Variants in SYNPR observed in about 807,000 individuals in gnomAD.
SYNPR encodes synaptoporin.
In SYNPR, 23 loss-of-function variants were observed where a neutral mutation model predicts 32.9. The observed-to-expected ratio is 0.70, with a 90% CI of 0.50 to 0.99. SYNPR has a LOEUF of 0.99. Among genes scored for constraint, SYNPR ranks in the 50% least tolerant of loss-of-function variants. The pLI is 0.00. For synonymous variants in SYNPR, 146 were observed against 135.9 expected (o/e 1.07, Z -0.52); for missense variants, 318 against 349.3 (o/e 0.91, Z 0.71).
chr3:63,537,170 C>T (rs761898140), intron 3 of SYNPR, among the ~76,000 whole-genome samples: 3 of 151,982 alleles, frequency 2.0e-5, no homozygotes, highest in Non-Finnish European at 2.9e-5. Flanking sequence ...TAGGGTCAGT[C>T]GTCCTTTCTC....
chr3:63,376,656 ATCTGAGAAGATTCT>A lies in SYNPR; in HGVS notation c.84+97925_84+97938del, dbSNP rs991026698. On this transcript the variant is annotated intron_variant, in intron 2 of 5. Transcript: ENST00000478300. ...CTTTCACAGAATGATTCTGTGAAGAATCTGAGAAGATTCTTCTGAGAAGAAGGCTCTTTCTTCTC... is the reference window on the plus strand; with the variant it reads ...CTTTCACAGAATGATTCTGTGAAGAATCTGAGAAGAAGGCTCTTTCTTCTC... Among the ~76,000 whole-genome samples, 23 of 152,258 alleles carry A rather than the reference ATCTGAGAAGATTCT, an allele frequency of 1.5e-4. No homozygotes were observed. The East Asian group carries it at 4.2e-3, about 28-fold the overall frequency.
chr3:63,451,429 G>A (rs2107175881), intron 2 of SYNPR, among the ~76,000 whole-genome samples: 1 of 152,258 alleles, frequency 6.6e-6, no homozygotes, highest in Admixed American at 6.5e-5. Context: ...CAGGAAGAGA[G>A]AATCATCACT....
intron 1 of SYNPR, among the ~76,000 whole-genome samples, chr3:63,242,460 G>GA (rs781465472): frequency 1.3e-5 from 2 of 152,214 alleles, no homozygotes; most frequent in East Asian, 1.9e-4. Context: ...GTTGAGGCTA[G>GA]AAAAAATTAA....
At chr3:63,476,864 A>G (rs1231512274) in intron 2 of SYNPR, among the ~76,000 whole-genome samples, 1 of 152,184 alleles carries the variant, frequency 6.6e-6, no homozygotes, top group Non-Finnish European at 1.5e-5. Context: ...ATTAAGCCCC[A>G]TGGTGGGTGG....
At chr3:63,267,046 T>C (rs1038330745) in intron 2 of SYNPR, among the ~76,000 whole-genome samples, 2 of 152,166 alleles carry the variant, frequency 1.3e-5, no homozygotes, top group Admixed American at 1.3e-4. Flanking sequence ...TCTTGGGTGC[T>C]TTAAGAACTG....
rs76241806 is a variant in SYNPR at position 63,552,647 on chromosome 3, T to G, written c.210-3896T>G. Among the ~76,000 whole-genome samples, 12 of 152,316 alleles carry G rather than the reference T, an allele frequency of 7.9e-5. No homozygotes were observed. In the East Asian group the frequency reaches 2.1e-3, roughly 27 times the overall value. On this transcript the variant is annotated intron_variant, in intron 3 of 5. Transcript: ENST00000478300. ...AGATCTGAGATGGGGCCCAGGAATA[T>G]GCATTTTAAACATAGTCCCTAGTAA... is the stretch of plus-strand genomic sequence containing the variant.
intron 2 of SYNPR, among the ~76,000 whole-genome samples, chr3:63,373,543 T>A (rs1021250373): frequency 3.3e-5 from 5 of 152,180 alleles, no homozygotes; most frequent in East Asian, 1.9e-4. Flanking sequence ...AAAATAATTT[T>A]AAAAAATGAA....
chr3:63,207,816 C>A, the SYNPR span, among the ~76,000 whole-genome samples: 1 of 152,058 alleles, frequency 6.6e-6, no homozygotes, highest in African/African-American at 2.4e-5. Flanking sequence ...TGATGTAAAT[C>A]TCAGAATCAA....
At chr3:63,201,571 T>C in the SYNPR span, among the ~76,000 whole-genome samples, 1 of 152,102 alleles carries the variant, frequency 6.6e-6, no homozygotes, top group Non-Finnish European at 1.5e-5. Flanking sequence ...GTGGTACTGA[T>C]TGGGAGATAT....
At chr3:63,340,521 G>A (rs1469217223) in intron 2 of SYNPR, among the ~76,000 whole-genome samples, 5 of 146,394 alleles carry the variant, frequency 3.4e-5, no homozygotes, top group Admixed American at 1.4e-4. Flanking sequence ...CCGGGTTCAC[G>A]CCATTCTCCT....
chr3:63,224,189 G>A (rs978874351), upstream of SYNPR, among the ~76,000 whole-genome samples: 2 of 152,122 alleles, frequency 1.3e-5, no homozygotes, highest in African/African-American at 2.4e-5. Context: ...CAGCATTATC[G>A]CCTGAGCTTT....
In SYNPR at chr3:63,615,409, G is replaced by A. The variant is rs372470688; in HGVS notation, c.786G>A (p.Ala262=). Residue 262 remains alanine, a synonymous_variant, in exon 6 of 6, where the codon GCG becomes GCA. Transcript: ENST00000478300. ...CAAGCAGTGGGTACAGTCAGCAGGC[G>A]AGTTTGGGGCCAACCTCAGATGAGT... The part of the protein sequence containing the change: ...YGSSSGYSQQ[A]SLGPTSDEFG... The A allele has an allele frequency of 1.4e-5, 23 of 1,613,758 alleles. No homozygotes were observed. In the East Asian group the frequency reaches 2.0e-4, roughly 14 times the overall value.
chr3:63,383,702 T>C (rs1474698357), intron 2 of SYNPR, among the ~76,000 whole-genome samples: 2 of 152,196 alleles, frequency 1.3e-5, no homozygotes, highest in Admixed American at 1.3e-4. Flanking sequence ...ACTCCTATTG[T>C]ATGAAGCTAA....
chr3:63,446,307 C>A (rs576086363), intron 2 of SYNPR, among the ~76,000 whole-genome samples: 134 of 138,832 alleles, frequency 9.7e-4, no homozygotes, highest in African/African-American at 3.5e-3. Flanking sequence ...AATTTCTATT[C>A]TTTGGCTAGC....
chr3:63,500,873 A>T (rs559513011), intron 3 of SYNPR, among the ~76,000 whole-genome samples: 92 of 152,322 alleles, frequency 6.0e-4, no homozygotes, highest in Non-Finnish European at 1.2e-3. Flanking sequence ...ATTATAGTAC[A>T]TAGTGTGGTA....
intron 3 of SYNPR, among the ~76,000 whole-genome samples, chr3:63,500,340 A>G (rs565577306): frequency 6.6e-6 from 1 of 152,200 alleles, no homozygotes; most frequent in South Asian, 2.1e-4. Context: ...TGTCCTAGAG[A>G]AAAAAGAGCT....
intron 4 of SYNPR, among the ~76,000 whole-genome samples, chr3:63,572,828 T>C (rs2106849068): frequency 6.6e-6 from 1 of 152,270 alleles, no homozygotes; most frequent in South Asian, 2.1e-4. Context: ...CTTTATGAAC[T>C]TAGACCTCCA....
intron 3 of SYNPR, among the ~76,000 whole-genome samples, chr3:63,267,873 C>T (rs2086503806): frequency 6.6e-6 from 1 of 151,870 alleles, no homozygotes; most frequent in Non-Finnish European, 1.5e-5. Flanking sequence ...AGGAAACTTC[C>T]CTCCCTGAGT....
intron 2 of SYNPR, among the ~76,000 whole-genome samples, chr3:63,349,304 GT>G (rs1439620626): frequency 6.6e-6 from 1 of 151,398 alleles, no homozygotes; most frequent in East Asian, 2.0e-4. Context: ...GTTTCACCAT[GT>G]TGGTCAGGCT....
Sources: allele counts gnomAD v4.1 joint callset (sites outside exome capture counted in the v4.1 genomes callset), GRCh38; gene constraint gnomAD v4.1.1; transcripts MANE v1.5; gene names NCBI Gene and HGNC (gene_info 2026-07-23, HGNC 2026-07-21).